CDH12: variants seen among roughly 807,000 people sequenced by gnomAD.
The protein encoded by CDH12 is cadherin-12.
A neutral mutation model predicts 74.1 loss-of-function variants in CDH12; 41 were observed. The ratio of observed to expected loss-of-function variants is 0.55; its 90% confidence interval spans 0.43 to 0.72. CDH12 has a LOEUF of 0.72. Ranked by LOEUF, CDH12 falls within the 30% of genes least tolerant of loss-of-function variation. The probability of loss-of-function intolerance (pLI) is 0.00; values close to 1 mark genes in which losing one functional copy is unlikely to be tolerated. For missense variants in CDH12, 945 were observed against 977.2 expected (o/e 0.97, Z 0.44); for synonymous variants, 399 against 355.0 (o/e 1.12, Z -1.39).
chr5:22,542,282 T>TA (rs1180248076), intron 1 of CDH12, among the ~76,000 whole-genome samples: 1 of 152,174 alleles, frequency 6.6e-6, no homozygotes. Flanking sequence ...AAAGCAATTT[T>TA]AAAAAATTGG....
chr5:22,374,379 C>A (rs571270980), intron 3 of CDH12, among the ~76,000 whole-genome samples: 11 of 152,126 alleles, frequency 7.2e-5, no homozygotes, highest in Non-Finnish European at 1.2e-4. Context: ...AGCTGAAAGC[C>A]TTTCTTTTAA....
intron 6 of CDH12, chr5:21,883,387 C>T (rs1752459556): frequency 6.5e-7 from 1 of 1,542,954 alleles, no homozygotes; most frequent in Non-Finnish European, 9.0e-7. Context: ...ATTGCCAATG[C>T]TCACCATAAG....
At chr5:22,678,383 C>T (rs934215625) in intron 1 of CDH12, among the ~76,000 whole-genome samples, 6 of 151,966 alleles carry the variant, frequency 3.9e-5, no homozygotes, top group Admixed American at 2.6e-4. Flanking sequence ...AATACAAATA[C>T]AAAAATTTCA....
chr5:22,539,348 T>C (rs1476695064), intron 1 of CDH12, among the ~76,000 whole-genome samples: 1 of 152,214 alleles, frequency 6.6e-6, no homozygotes, highest in African/African-American at 2.4e-5. Context: ...AGGTAATGTC[T>C]GCACATCACC....
rs575423928 is a variant in CDH12, at chr5:22,408,342, G to T, written c.-427-2991C>A. 3.3e-5 allele frequency among the ~76,000 whole-genome samples: 5 copies of T among 151,922 alleles called. No homozygotes were observed. The South Asian group carries it at 1.0e-3, about 31-fold the overall frequency. ...AATGAGGGATAACCTGACACAAAAGGATCCTAAATAAGTGTCCTCGGTCTC... is the reference window on the plus strand; with the variant it reads ...AATGAGGGATAACCTGACACAAAAGTATCCTAAATAAGTGTCCTCGGTCTC... On this transcript the variant is annotated intron_variant, in intron 2 of 14. Transcript: ENST00000382254.
chr5:22,571,324 A>G (rs185553387), intron 1 of CDH12, among the ~76,000 whole-genome samples: 108 of 150,758 alleles, frequency 7.2e-4, no homozygotes, highest in Middle Eastern at 3.4e-3. Flanking sequence ...AATCATCTCT[A>G]ACTTTTCTTT....
At chr5:21,911,173 C>T (rs1221565039) in intron 6 of CDH12, among the ~76,000 whole-genome samples, 9 of 152,058 alleles carry the variant, frequency 5.9e-5, no homozygotes, top group Non-Finnish European at 5.9e-5. Context: ...ATGGCCATTA[C>T]GTTATTTATC....
At chr5:22,679,608 A>G (rs1741382889) in intron 1 of CDH12, among the ~76,000 whole-genome samples, 1 of 152,076 alleles carries the variant, frequency 6.6e-6, no homozygotes, top group African/African-American at 2.4e-5. Flanking sequence ...TGGGCATATT[A>G]CTTGGATAGT....
intron 1 of CDH12, among the ~76,000 whole-genome samples, chr5:22,734,074 G>A (rs1744565879): frequency 6.6e-6 from 1 of 151,886 alleles, no homozygotes; most frequent in African/African-American, 2.4e-5. Flanking sequence ...GTGACTTTAG[G>A]AAAGTTTTTA....
intron 5 of CDH12, among the ~76,000 whole-genome samples, chr5:22,021,299 T>C (rs1354626400): frequency 2.0e-5 from 3 of 152,176 alleles, no homozygotes; most frequent in African/African-American, 7.2e-5. Context: ...TTGAAGCCCT[T>C]TGAATTTTGG....
At chr5:21,845,026 GAT>G (rs1460033749) in intron 7 of CDH12, among the ~76,000 whole-genome samples, 8 of 148,930 alleles carry the variant, frequency 5.4e-5, no homozygotes, top group African/African-American at 2.0e-4. Flanking sequence ...TAGATAGATA[GAT>G]AGATAGATTA....
chr5:22,721,904 T>C (rs1743916631), intron 1 of CDH12, among the ~76,000 whole-genome samples: 1 of 152,174 alleles, frequency 6.6e-6, no homozygotes, highest in Admixed American at 6.6e-5. Flanking sequence ...TCTGCCATGA[T>C]TGTAAGTTTC....
intron 1 of CDH12, among the ~76,000 whole-genome samples, chr5:22,668,747 C>T (rs1164350866): frequency 6.6e-6 from 1 of 152,166 alleles, no homozygotes; most frequent in East Asian, 1.9e-4. Context: ...GAATAAGTTT[C>T]AACATGAGCT....
chr5:21,915,381 C>T (rs1754040292), intron 6 of CDH12, among the ~76,000 whole-genome samples: 2 of 151,686 alleles, frequency 1.3e-5, no homozygotes, highest in Non-Finnish European at 1.5e-5. Flanking sequence ...AAGGTTTGAC[C>T]CATTAGATAA....
intron 1 of CDH12, among the ~76,000 whole-genome samples, chr5:22,606,837 A>G (rs1737141668): frequency 6.6e-6 from 1 of 152,206 alleles, no homozygotes. Context: ...AAAAGGAGAC[A>G]GGAAGATGTG....
At chr5:21,990,045 T>G (rs1222202209) in intron 5 of CDH12, among the ~76,000 whole-genome samples, 1 of 152,178 alleles carries the variant, frequency 6.6e-6, no homozygotes. Flanking sequence ...TTTGTATCCT[T>G]CTTTCTGTCA....
intron 6 of CDH12, among the ~76,000 whole-genome samples, chr5:21,879,343 C>T (rs2150028981): frequency 6.6e-6 from 1 of 152,236 alleles, no homozygotes; most frequent in African/African-American, 2.4e-5. Flanking sequence ...AGATAAGAGC[C>T]ATTCTATCAC....
intron 8 of CDH12, among the ~76,000 whole-genome samples, chr5:21,830,230 A>AAAAAAAAAAAAT (rs1748934274): frequency 7.1e-6 from 1 of 140,302 alleles, no homozygotes; most frequent in Non-Finnish European, 1.5e-5. Context: ...AAAAAAAAAA[A>AAAAAAAAAAAAT]GAAATGCTTC....
intron 6 of CDH12, among the ~76,000 whole-genome samples, chr5:21,914,017 G>A (rs1170010402): frequency 6.6e-6 from 1 of 152,084 alleles, no homozygotes; most frequent in Non-Finnish European, 1.5e-5. Flanking sequence ...GATTCTCAGT[G>A]TTTCATATTG....
Sources: allele counts gnomAD v4.1 joint callset (sites outside exome capture counted in the v4.1 genomes callset), GRCh38; gene constraint gnomAD v4.1.1; transcripts MANE v1.5; gene names NCBI Gene and HGNC (gene_info 2026-07-23, HGNC 2026-07-21).